SMCO2: variants seen among roughly 807,000 people sequenced by gnomAD.
The protein encoded by SMCO2 is single-pass membrane and coiled-coil domain-containing protein 2.
SMCO2 carries 25 observed loss-of-function variants against 29.5 expected under a neutral mutation model. That is an observed-to-expected ratio of 0.85 (90% CI 0.62 to 1.18). The LOEUF is 1.18. SMCO2 is among the 50% of genes most tolerant of loss of function. SMCO2 has a pLI of 0.00. For missense variants in SMCO2, 348 were observed against 344.5 expected (o/e 1.01, Z -0.08); for synonymous variants, 117 against 123.3 (o/e 0.95, Z 0.34).
At chr12:27,427,099 T>A in the SMCO2 span, among the ~76,000 whole-genome samples, 2 of 152,136 alleles carry the variant, frequency 1.3e-5, no homozygotes, top group African/African-American at 4.8e-5. Flanking sequence ...AGCTGCTACT[T>A]TAAAGGGATG....
chr12:27,443,193 T>C, the SMCO2 span, among the ~76,000 whole-genome samples: 1 of 152,220 alleles, frequency 6.6e-6, no homozygotes, highest in Non-Finnish European at 1.5e-5. Context: ...ATCCCAGGGA[T>C]GCAAGGATGT....
the SMCO2 span, among the ~76,000 whole-genome samples, chr12:27,438,538 G>A: frequency 2.6e-5 from 4 of 152,048 alleles, no homozygotes; most frequent in Admixed American, 6.5e-5. Flanking sequence ...GAAGGGTACC[G>A]ATATTTGCCC....
chr12:27,453,451 A>G, the SMCO2 span, among the ~76,000 whole-genome samples: 1 of 152,172 alleles, frequency 6.6e-6, no homozygotes, highest in African/African-American at 2.4e-5. Flanking sequence ...TCTCTTATAT[A>G]TATTCTCTGA....
At chr12:27,479,092 G>A (rs1364611684) in intron 4 of SMCO2, among the ~76,000 whole-genome samples, 1 of 152,208 alleles carries the variant, frequency 6.6e-6, no homozygotes, top group Non-Finnish European at 1.5e-5. Context: ...GTGGCTATGG[G>A]TGGAGCAAGT....
the SMCO2 span, among the ~76,000 whole-genome samples, chr12:27,444,681 C>G: frequency 6.6e-6 from 1 of 152,150 alleles, no homozygotes; most frequent in Non-Finnish European, 1.5e-5. Context: ...AAAGGACAGG[C>G]AGTAACAGAG....
the SMCO2 span, among the ~76,000 whole-genome samples, chr12:27,446,014 C>T: frequency 6.6e-6 from 1 of 152,024 alleles, no homozygotes; most frequent in Non-Finnish European, 1.5e-5. Context: ...AATGATTCTC[C>T]TGCCTCAGCC....
chr12:27,482,285 G>A (rs190070491), intron 4 of SMCO2, among the ~76,000 whole-genome samples: 1 of 151,918 alleles, frequency 6.6e-6, no homozygotes, highest in African/African-American at 2.4e-5. Context: ...TTTTATATCT[G>A]TAAATATATT....
the SMCO2 span, among the ~76,000 whole-genome samples, chr12:27,451,689 T>C: frequency 6.6e-6 from 1 of 152,226 alleles, no homozygotes; most frequent in Non-Finnish European, 1.5e-5. Context: ...TTTTTGCCAC[T>C]CTGCACATGT....
chr12:27,445,891 C>A, the SMCO2 span, among the ~76,000 whole-genome samples: 65 of 151,780 alleles, frequency 4.3e-4, no homozygotes, highest in South Asian at 0.012. Context: ...TTTTCTTTTT[C>A]TTTTTCTTTC....
chr12:27,452,921 G>A, the SMCO2 span, among the ~76,000 whole-genome samples: 6,352 of 152,204 alleles, frequency 0.042, 451 homozygotes, highest in African/African-American at 0.15. Flanking sequence ...CCTACTATGG[G>A]CATCGTAGCT....
At chr12:27,496,786 G>C (rs1324649585) in intron 7 of SMCO2, among the ~76,000 whole-genome samples, 3 of 150,736 alleles carry the variant, frequency 2.0e-5, no homozygotes, top group Non-Finnish European at 2.9e-5. Context: ...TGCACACCTT[G>C]CACATAATCC....
upstream of SMCO2, among the ~76,000 whole-genome samples, chr12:27,463,003 G>A (rs775326906): frequency 3.9e-5 from 6 of 152,134 alleles, no homozygotes; most frequent in Non-Finnish European, 7.4e-5. Flanking sequence ...GACAAGCTGG[G>A]ACTACACCAT....
At chr12:27,462,601 G>C (rs1949467213), upstream of SMCO2, among the ~76,000 whole-genome samples, 1 of 152,206 alleles carries the variant, frequency 6.6e-6, no homozygotes, top group East Asian at 1.9e-4. Flanking sequence ...GGTAGCTATT[G>C]TTTCCCCATT....
chr12:27,448,270 G>A, the SMCO2 span, among the ~76,000 whole-genome samples: 6 of 152,122 alleles, frequency 3.9e-5, no homozygotes, highest in Non-Finnish European at 8.8e-5. Flanking sequence ...GGTGTTGTCA[G>A]GATTAGTGAC....
At chr12:27,498,450 C>T (rs1943037860) in intron 7 of SMCO2, 1 of 216,538 alleles carries the variant, frequency 4.6e-6, no homozygotes, top group South Asian at 8.6e-5. Flanking sequence ...TCTATGATAG[C>T]TGCTATTGTG....
the SMCO2 span, among the ~76,000 whole-genome samples, chr12:27,445,911 C>CT: frequency 1.6e-4 from 23 of 148,320 alleles, no homozygotes; most frequent in East Asian, 1.6e-3. Flanking sequence ...CTCTCTCTCT[C>CT]TTTTTTTTTT....
chr12:27,458,888 GAAAA>G, the SMCO2 span, among the ~76,000 whole-genome samples: 9 of 76,874 alleles, frequency 1.2e-4, no homozygotes, highest in Non-Finnish European at 2.2e-4. Flanking sequence ...ACTCTATCTC[GAAAA>G]AAAAAAAAAA....
intron 4 of SMCO2, among the ~76,000 whole-genome samples, chr12:27,483,118 G>A (rs1949659632): frequency 6.6e-6 from 1 of 152,186 alleles, no homozygotes; most frequent in Non-Finnish European, 1.5e-5. Flanking sequence ...AGTAGAATGT[G>A]TATTCTACTA....
At chr12:27,431,930 C>G in the SMCO2 span, among the ~76,000 whole-genome samples, 16 of 152,214 alleles carry the variant, frequency 1.1e-4, no homozygotes, top group Admixed American at 9.8e-4. Flanking sequence ...TATTATAACT[C>G]TTGTTATACT....
Sources: gnomAD v4.1 joint callset for allele counts (sites outside exome capture counted in the v4.1 genomes callset) on GRCh38, gnomAD v4.1.1 for gene constraint, MANE v1.5 for transcripts, NCBI Gene and HGNC (gene_info 2026-07-23, HGNC 2026-07-21) for gene names.